Variants in GSE1 observed in about 807,000 individuals in gnomAD.
The protein encoded by GSE1 is genetic suppressor element 1.
In GSE1, 32 loss-of-function variants were observed where a neutral mutation model predicts 112.6. The observed-to-expected ratio is 0.28, with a 90% confidence interval of 0.21 to 0.38. The LOEUF is 0.38. Ranked by LOEUF, GSE1 falls within the 10% of genes least tolerant of loss-of-function variation. The probability of loss-of-function intolerance (pLI) is 1.00; values close to 1 mark genes in which losing one functional copy is unlikely to be tolerated. For synonymous variants in GSE1, 1,115 were observed against 735.6 expected, an observed-to-expected ratio of 1.52 and a Z score of -8.35; for missense variants, 2,348 against 1,699.2, an observed-to-expected ratio of 1.38 and a Z score of -6.71.
chr16:85,541,767 A>G (rs2044527006), intron 2 of GSE1, among the ~76,000 whole-genome samples: 1 of 152,178 alleles, frequency 6.6e-6, no homozygotes, highest in Admixed American at 6.5e-5. Flanking sequence ...CATGGCACAG[A>G]ACATTCCACA....
intron 2 of GSE1, among the ~76,000 whole-genome samples, chr16:85,503,103 G>A (rs2051425765): frequency 6.6e-6 from 1 of 152,222 alleles, no homozygotes; most frequent in Non-Finnish European, 1.5e-5. Context: ...CAGAGGGCAC[G>A]GCCAGTGCCA....
chr16:85,571,897 C>T (rs1447682447), intron 1 of GSE1, among the ~76,000 whole-genome samples: 1 of 152,088 alleles, frequency 6.6e-6, no homozygotes, highest in Admixed American at 6.5e-5. Flanking sequence ...CGTGGGGGCA[C>T]AAACCACCAA....
At chr16:85,525,563 T>A (rs1328203003) in intron 2 of GSE1, among the ~76,000 whole-genome samples, 1 of 152,152 alleles carries the variant, frequency 6.6e-6, no homozygotes, top group African/African-American at 2.4e-5. Context: ...TGGGAGCTGA[T>A]CCCCCAAATG....
At chr16:85,642,017 C>G (rs1463157850) in intron 2 of GSE1, among the ~76,000 whole-genome samples, 2 of 152,250 alleles carry the variant, frequency 1.3e-5, no homozygotes, top group Non-Finnish European at 2.9e-5. Flanking sequence ...TGGACCTGCC[C>G]CGCCCTCCCT....
At chr16:85,661,937 T>G (rs1395650537) in intron 9 of GSE1, among the ~76,000 whole-genome samples, 172 bp downstream of exon 9, 2 of 152,124 alleles carry the variant, frequency 1.3e-5, no homozygotes, top group Non-Finnish European at 2.9e-5. Flanking sequence ...GACACCCTCG[T>G]AGGGGAGGCA....
intron 2 of GSE1, among the ~76,000 whole-genome samples, chr16:85,412,915 C>G (rs972895110): frequency 8.5e-5 from 13 of 152,216 alleles, no homozygotes; most frequent in Non-Finnish European, 1.9e-4. Flanking sequence ...CCAGCCCACC[C>G]CAGCCCCTGT....
chr16:85,395,800 G>T (rs1476670369), intron 2 of GSE1, among the ~76,000 whole-genome samples: 1 of 71,664 alleles, frequency 1.4e-5, no homozygotes, highest in Admixed American at 1.6e-4. Context: ...CTGGGCGCCC[G>T]CCCACCCTCC....
intron 1 of GSE1, among the ~76,000 whole-genome samples, chr16:85,576,709 A>G (rs915036125): frequency 6.6e-6 from 1 of 152,198 alleles, no homozygotes; most frequent in African/African-American, 2.4e-5. Context: ...TTCTTTCCCA[A>G]GTGTCCAGGA....
At chr16:85,612,329 C>G (rs920765728), upstream of GSE1, among the ~76,000 whole-genome samples, 1 of 151,920 alleles carries the variant, frequency 6.6e-6, no homozygotes, top group African/African-American at 2.4e-5. Context: ...CCTGTGGGTG[C>G]CCAGGAATTT....
intron 2 of GSE1, among the ~76,000 whole-genome samples, chr16:85,536,024 G>T (rs1284169418): frequency 6.6e-6 from 1 of 152,252 alleles, no homozygotes; most frequent in Non-Finnish European, 1.5e-5. Context: ...GAGTCATCAG[G>T]ACAGGGGCTG....
intron 1 of GSE1, among the ~76,000 whole-genome samples, chr16:85,218,789 A>G (rs1255052499): frequency 6.6e-6 from 1 of 152,226 alleles, no homozygotes; most frequent in East Asian, 1.9e-4. Context: ...TCCAGCGTGC[A>G]GTAGCCAGGC....
At chr16:85,534,892 T>G (rs373343389) in intron 2 of GSE1, among the ~76,000 whole-genome samples, 1 of 152,218 alleles carries the variant, frequency 6.6e-6, no homozygotes, top group African/African-American at 2.4e-5. Context: ...TGGTCCAGTC[T>G]TTTGCTTTGG....
chr16:85,193,181 G>A (rs1386277475), intron 1 of GSE1, among the ~76,000 whole-genome samples: 3 of 152,120 alleles, frequency 2.0e-5, no homozygotes, highest in Non-Finnish European at 4.4e-5. Context: ...TGAACACCGA[G>A]TCCACATTCC....
chr16:85,278,131 T>G (rs1428604963), intron 1 of GSE1, among the ~76,000 whole-genome samples: 1 of 152,080 alleles, frequency 6.6e-6, no homozygotes, highest in Non-Finnish European at 1.5e-5. Flanking sequence ...AGGAGAGGGG[T>G]CCATGTCCCT....
chr16:85,438,921 C>T lies in GSE1; in HGVS notation c.2464+81278C>T, dbSNP rs945448738. On this transcript the variant is annotated intron_variant, in intron 2 of 2. Transcript: ENST00000637419. ...TGCAGTCCTAGGGTAGGGATCCCCC[C>T]GCGGCCTCCTGCCTGCCTCCAGGGG... Among the ~76,000 whole-genome samples, 5 of 152,212 alleles carry T rather than the reference C, an allele frequency of 3.3e-5. No homozygotes were observed. The East Asian group carries it at 5.8e-4, about 18-fold the overall frequency.
intron 1 of GSE1, among the ~76,000 whole-genome samples, chr16:85,596,568 A>C (rs558638392): frequency 1.3e-5 from 2 of 152,368 alleles, no homozygotes; most frequent in South Asian, 4.1e-4. Context: ...TCTGTATTCT[A>C]ACATTATGCT....
intron 1 of GSE1, among the ~76,000 whole-genome samples, chr16:85,313,988 A>G (rs940074406): frequency 2.2e-5 from 3 of 135,858 alleles, no homozygotes; most frequent in African/African-American, 6.5e-5. Context: ...TAGTGTGTGT[A>G]TGTGTGTGTG....
At position 85,307,241 on chromosome 16, in the gene GSE1, G is replaced by T. The variant is rs1051397062; in HGVS notation, c.2284-50222G>T. On this transcript the variant is annotated intron_variant, in intron 1 of 2. Coordinates refer to the GSE1 transcript ENST00000637419. Reference sequence around the variant, plus strand: ...CATGGTGGAGAGGCAGGTACACTCCGTGTCAGGCCTGGAGGCTCCTTGTCA... The same window carrying T: ...CATGGTGGAGAGGCAGGTACACTCCTTGTCAGGCCTGGAGGCTCCTTGTCA... Among the ~76,000 whole-genome samples, 3 of 152,332 alleles carry T rather than the reference G, an allele frequency of 2.0e-5. No homozygotes were observed. The South Asian group carries it at 6.2e-4, about 32-fold the overall frequency.
intron 14 of GSE1, among the ~76,000 whole-genome samples, chr16:85,668,823 A>G (rs1052693906): frequency 6.6e-6 from 1 of 152,252 alleles, no homozygotes. Flanking sequence ...GCCTAGTGAC[A>G]GACTCCCCAC....
Sources: allele counts gnomAD v4.1 joint callset (sites outside exome capture counted in the v4.1 genomes callset), GRCh38; gene constraint gnomAD v4.1.1; transcripts MANE v1.5; gene names NCBI Gene and HGNC (gene_info 2026-07-23, HGNC 2026-07-21).